The following HIGD1A variants were observed in gnomAD, a reference collection of about 807,000 sequenced individuals.
The protein encoded by HIGD1A is HIG1 hypoxia inducible domain family member 1A.
In HIGD1A, 8 loss-of-function variants were observed where a neutral mutation model predicts 11.3. The observed-to-expected ratio is 0.71, with a 90% confidence interval of 0.42 to 1.28. HIGD1A has a LOEUF of 1.28. HIGD1A is among the 50% of genes most tolerant of loss of function. HIGD1A has a pLI of 0.01. For synonymous variants in HIGD1A, 32 were observed against 38.4 expected (o/e 0.83, Z 0.62); for missense variants, 107 against 118.8 (o/e 0.90, Z 0.46).
intron 1 of HIGD1A, among the ~76,000 whole-genome samples, chr3:42,800,515 T>C (rs1221130378): frequency 2.0e-5 from 3 of 151,878 alleles, no homozygotes; most frequent in Admixed American, 2.0e-4. Context: ...CTTGTGAGAG[T>C]TTCCCTCCCT....
intron 1 of HIGD1A, chr3:42,804,157 C>G (rs1416639524): frequency 6.2e-7 from 1 of 1,609,412 alleles, no homozygotes; most frequent in African/African-American, 1.3e-5. Context: ...GAGTCTTCCC[C>G]GCTCGGCAAC....
intron 2 of HIGD1A, among the ~76,000 whole-genome samples, chr3:42,789,988 C>T (rs1023589741): frequency 8.5e-5 from 13 of 152,104 alleles, no homozygotes; most frequent in African/African-American, 2.7e-4. Context: ...CCGCAAAGCA[C>T]TGGGATTACA....
intron 1 of HIGD1A, chr3:42,804,097 G>A: frequency 1.4e-6 from 2 of 1,457,244 alleles, no homozygotes; most frequent in East Asian, 2.5e-5. Context: ...CCGCCGTCGG[G>A]CCCAGTCAAC....
At chr3:42,802,801 TAGAG>T (rs1254739252) in intron 1 of HIGD1A, among the ~76,000 whole-genome samples, 8 of 152,220 alleles carry the variant, frequency 5.3e-5, no homozygotes, top group Non-Finnish European at 1.2e-4. Flanking sequence ...GCTCTTCTGA[TAGAG>T]AGTCCTGGGT....
At chr3:42,788,462 A>G (rs1156775521) in intron 2 of HIGD1A, among the ~76,000 whole-genome samples, 1 of 152,238 alleles carries the variant, frequency 6.6e-6, no homozygotes, top group Admixed American at 6.5e-5. Flanking sequence ...AAGGTCTAAT[A>G]AAAATTATAA....
intron 1 of HIGD1A, among the ~76,000 whole-genome samples, chr3:42,799,969 T>C (rs1287900956): frequency 6.6e-6 from 1 of 152,158 alleles, no homozygotes; most frequent in Non-Finnish European, 1.5e-5. Flanking sequence ...ATGGACTGGA[T>C]AGAGAGATTA....
intron 1 of HIGD1A, among the ~76,000 whole-genome samples, chr3:42,803,430 G>A (rs1165870572): frequency 3.3e-5 from 5 of 152,230 alleles, no homozygotes; most frequent in African/African-American, 7.2e-5. Flanking sequence ...CCAGCATGGA[G>A]ATCCGGATTC....
At chr3:42,800,041 T>A (rs1700537003) in intron 1 of HIGD1A, among the ~76,000 whole-genome samples, 1 of 152,104 alleles carries the variant, frequency 6.6e-6, no homozygotes, top group Admixed American at 6.6e-5. Context: ...ATCATGAACT[T>A]CTCGGGCAGG....
chr3:42,794,434 T>A, intron 1 of HIGD1A, 159 bp from the exon 2 acceptor site: 1 of 695,980 alleles, frequency 1.4e-6, no homozygotes, highest in Non-Finnish European at 2.2e-6. Context: ...ACTGTATTTT[T>A]AATGTACAGT....
At chr3:42,788,186 G>C (rs893882805) in intron 2 of HIGD1A, among the ~76,000 whole-genome samples, 5 of 152,130 alleles carry the variant, frequency 3.3e-5, no homozygotes, top group Non-Finnish European at 7.4e-5. Flanking sequence ...TCTGATCAAA[G>C]AGAAAATAAA....
chr3:42,789,395 G>A (rs930588933), intron 2 of HIGD1A, among the ~76,000 whole-genome samples: 1 of 152,000 alleles, frequency 6.6e-6, no homozygotes, highest in African/African-American at 2.4e-5. Context: ...GCCAGGAGCA[G>A]TGGCTCATCC....
At chr3:42,799,703 G>A (rs752024399) in intron 1 of HIGD1A, among the ~76,000 whole-genome samples, 8 of 151,828 alleles carry the variant, frequency 5.3e-5, no homozygotes, top group East Asian at 1.9e-4. Context: ...TGATTTGCCC[G>A]CCTCAGCCTC....
In HIGD1A at chr3:42,785,303, A is replaced by G; in HGVS notation, c.250T>C (p.Tyr84His). ...AMTVGMGYSM[Y>H]REFWAKPKP ...TTAGGTTTTGCCCAGAATTCCCGAT[A>G]CATGGAATAGCCCATACCTAAAGAA... Residue 84 changes from tyrosine to histidine, a missense_variant, in exon 4 of 4, where the codon TAT (tyrosine) becomes CAT (histidine). Transcript: ENST00000321331. The G allele has an allele frequency of 6.2e-7, 1 of 1,610,894 alleles. No individual in the cohort carries two copies. Among genetic ancestry groups the G allele is most frequent in the South Asian group, 1.1e-5 (1 of 90,950 alleles).
At position 42,786,258 on chromosome 3, in the gene HIGD1A, T is replaced by G. The variant is rs559790963; in HGVS notation, c.98-96A>C. ...TACATTCTATTATTTTTATGAGGAT[T>G]CTTTATCAGATCATTAATTAGCTAA... On this transcript the variant is annotated intron_variant, in intron 2 of 3. Coordinates refer to ENST00000321331, the MANE Select transcript of HIGD1A (RefSeq NM_014056.4). 1.2e-4 allele frequency: 166 copies of G among 1,358,702 alleles called. No homozygotes were observed. The East Asian group carries it at 3.6e-3, about 29-fold the overall frequency. The allele number at this position is 1,358,702 out of a possible 1,614,324, so 84.2% of individuals were successfully genotyped here.
intron 1 of HIGD1A, among the ~76,000 whole-genome samples, chr3:42,801,234 G>A (rs185923859): frequency 5.3e-5 from 8 of 152,166 alleles, no homozygotes; most frequent in Admixed American, 2.0e-4. Flanking sequence ...GGAACTCGGC[G>A]AACTCCTCAC....
At chr3:42,793,745 C>G (rs1559676956) in intron 2 of HIGD1A, among the ~76,000 whole-genome samples, 1 of 152,138 alleles carries the variant, frequency 6.6e-6, no homozygotes, top group Non-Finnish European at 1.5e-5. Flanking sequence ...TGAGGGCAGG[C>G]GGATTGCTTG....
intron 2 of HIGD1A, among the ~76,000 whole-genome samples, chr3:42,792,848 G>A (rs748131016): frequency 1.3e-5 from 2 of 151,634 alleles, no homozygotes; most frequent in South Asian, 2.1e-4. Context: ...CTGGCGTGGC[G>A]GCGGGCACCT....
At chr3:42,792,914 G>A (rs1476554228) in intron 2 of HIGD1A, among the ~76,000 whole-genome samples, 1 of 151,506 alleles carries the variant, frequency 6.6e-6, no homozygotes, top group African/African-American at 2.4e-5. Context: ...CCCAAGAGGT[G>A]GAGGTTGCAG....
chr3:42,794,582 A>G (rs1369335079), intron 1 of HIGD1A, among the ~76,000 whole-genome samples: 2 of 152,234 alleles, frequency 1.3e-5, no homozygotes, highest in African/African-American at 2.4e-5. Context: ...ATCAATTAAA[A>G]TAGTAGCTAC....
Sources: gnomAD v4.1 joint callset for allele counts (sites outside exome capture counted in the v4.1 genomes callset) on GRCh38, gnomAD v4.1.1 for gene constraint, MANE v1.5 for transcripts, NCBI Gene and HGNC (gene_info 2026-07-23, HGNC 2026-07-21) for gene names.